The following GPAM variants were observed in gnomAD, a reference collection of about 807,000 sequenced individuals.
GPAM encodes the protein glycerol-3-phosphate acyltransferase, mitochondrial.
In GPAM, 56 loss-of-function variants were observed where a neutral mutation model predicts 105.0. The observed-to-expected ratio is 0.53, with a 90% CI of 0.43 to 0.67. GPAM has a LOEUF of 0.67. Ranked by LOEUF, GPAM falls within the 30% of genes least tolerant of loss-of-function variation. GPAM has a pLI of 0.00. For missense variants in GPAM, 855 were observed against 989.8 expected (o/e 0.86, Z 1.83); for synonymous variants, 368 against 354.4 (o/e 1.04, Z -0.43).
chr10:112,174,362 G>A (rs1847367447), intron 6 of GPAM, among the ~76,000 whole-genome samples: 1 of 152,122 alleles, frequency 6.6e-6, no homozygotes, highest in Admixed American at 6.5e-5. Context: ...ACTCAAACCA[G>A]TAATTTTTAA....
Position 112,150,698 on chromosome 10 carries a change from G to T in GPAM, c.*2852C>A. ...GTTAGACAGTTTTTCACTACCGGAT[G>T]CCAAGCCCTTACTGCGCTAAAGTGC... is the stretch of plus-strand genomic sequence containing the variant. On this transcript the variant is annotated 3_prime_UTR_variant, in exon 22 of 22. Transcript: ENST00000348367. 1 of 948,160 alleles carries T rather than the reference G, an allele frequency of 1.1e-6. No homozygotes were observed. The highest frequency in any genetic ancestry group is 1.3e-6 in the Non-Finnish European group (1 of 796,018). 58.7% of individuals were successfully genotyped at this position (948,160 alleles called of 1,614,324 possible).
chr10:112,171,306 C>T (rs543486513), intron 9 of GPAM, among the ~76,000 whole-genome samples: 4 of 152,100 alleles, frequency 2.6e-5, no homozygotes, highest in Admixed American at 6.5e-5. Context: ...TCTTTAAATT[C>T]GAGCTACTAA....
At position 112,180,414 on chromosome 10, in the gene GPAM, A is replaced by G. The variant is rs201438949; in HGVS notation, c.225+59T>C. The G allele has an allele frequency of 5.2e-4, 814 of 1,571,460 alleles. 4 individuals are homozygous for G. In the African/African-American group the frequency reaches 9.8e-3, roughly 19 times the overall value. On this transcript the variant is annotated intron_variant, in intron 4 of 21. Coordinates refer to ENST00000348367, the MANE Select transcript of GPAM (RefSeq NM_001244949.2). The stretch of plus-strand genomic sequence containing the variant: ...TTAGTCCAATAAGACTGCCTACTAC[A>G]AAGTTGGAAATAATATTTTATGCTG...
intron 1 of GPAM, among the ~76,000 whole-genome samples, chr10:112,189,278 G>A (rs1462934820): frequency 6.6e-6 from 1 of 151,988 alleles, no homozygotes. Context: ...TATTTATTCA[G>A]TATATATTTA....
Position 112,152,596 on chromosome 10 carries a change from G to A in GPAM, c.*954C>T. ...AGAAAGCCCTCATCAGCTGTGGCCA[G>A]AGAACTGTATTCTAACAGTCTGTCA... On this transcript the variant is annotated 3_prime_UTR_variant, in exon 22 of 22. Coordinates refer to ENST00000348367, the MANE Select transcript of GPAM (RefSeq NM_001244949.2). 1 of 985,422 alleles carries A rather than the reference G, an allele frequency of 1.0e-6. No individual in the cohort carries two copies. The highest frequency in any genetic ancestry group is 4.7e-5 in the South Asian group (1 of 21,286). 61.0% of individuals were successfully genotyped at this position (985,422 alleles called of 1,614,324 possible).
the GPAM span, among the ~76,000 whole-genome samples, chr10:112,223,029 A>G: frequency 6.6e-6 from 1 of 152,082 alleles, no homozygotes; most frequent in Non-Finnish European, 1.5e-5. Context: ...GCAGCTGAAT[A>G]CAATGGTGGC....
At chr10:112,169,800 C>T (rs1847282748) in intron 9 of GPAM, among the ~76,000 whole-genome samples, 1 of 152,210 alleles carries the variant, frequency 6.6e-6, no homozygotes, top group South Asian at 2.1e-4. Flanking sequence ...TCTATATTTA[C>T]AGCCATTCCC....
intron 1 of GPAM, among the ~76,000 whole-genome samples, chr10:112,199,088 A>AAT (rs1234821178): frequency 2.2e-5 from 2 of 88,948 alleles, no homozygotes; most frequent in Non-Finnish European, 4.6e-5. Flanking sequence ...ACGCCTGGCT[A>AAT]ATGTGTGTGT....
chr10:112,222,111 A>T, the GPAM span, among the ~76,000 whole-genome samples: 1 of 152,210 alleles, frequency 6.6e-6, no homozygotes, highest in Non-Finnish European at 1.5e-5. Flanking sequence ...ATGAGTTGAC[A>T]ATTGTTGAAG....
intron 1 of GPAM, among the ~76,000 whole-genome samples, chr10:112,203,093 C>A (rs1287946933): frequency 1.3e-5 from 2 of 152,048 alleles, no homozygotes; most frequent in Non-Finnish European, 2.9e-5. Context: ...GGCCTCCTCT[C>A]AGCGCTGTGG....
chr10:112,225,756 C>T, the GPAM span, among the ~76,000 whole-genome samples: 2 of 152,200 alleles, frequency 1.3e-5, no homozygotes, highest in Non-Finnish European at 2.9e-5. Flanking sequence ...CATGAATCAT[C>T]ATAAAACATT....
upstream of GPAM, among the ~76,000 whole-genome samples, chr10:112,185,571 GAC>G (rs55812271): frequency 7.2e-3 from 1,031 of 143,644 alleles, 11 homozygotes; most frequent in East Asian, 0.023. Context: ...CACACACACA[GAC>G]ACACACACAC....
At chr10:112,155,679 C>T (rs934272826) in intron 20 of GPAM, 185 bp downstream of exon 20, 1 of 513,788 alleles carries the variant, frequency 1.9e-6, no homozygotes. Context: ...TGAAAAAAGC[C>T]AGATGTAAGA....
At chr10:112,196,545 T>G (rs1345310204) in intron 1 of GPAM, among the ~76,000 whole-genome samples, 1 of 152,132 alleles carries the variant, frequency 6.6e-6, no homozygotes, top group Non-Finnish European at 1.5e-5. Flanking sequence ...AAGTAAAGAG[T>G]GTTATGAACC....
intron 1 of GPAM, among the ~76,000 whole-genome samples, chr10:112,208,663 A>G (rs1042142688): frequency 3.3e-5 from 5 of 152,168 alleles, no homozygotes; most frequent in African/African-American, 1.2e-4. Flanking sequence ...CAGCTTTTTG[A>G]ACAATGCTTC....
rs1009110008 is a variant in GPAM at position 112,151,905 on chromosome 10, G to A, written c.*1645C>T. The A allele has an allele frequency of 3.5e-5, 34 of 977,512 alleles. 1 individual carries two copies. In the African/African-American group the frequency reaches 4.9e-4, roughly 14 times the overall value. The allele number at this position is 977,512 out of a possible 1,614,324, so 60.6% of individuals were successfully genotyped here. On this transcript the variant is annotated 3_prime_UTR_variant, in exon 22 of 22. Transcript: ENST00000348367. Reference sequence around the variant, plus strand: ...ATTCAACATCAGAGCTACTACAACTGACAATGACTTCATGGTATACATCAA... The same window carrying A: ...ATTCAACATCAGAGCTACTACAACTAACAATGACTTCATGGTATACATCAA...
intron 1 of GPAM, among the ~76,000 whole-genome samples, chr10:112,207,173 G>T (rs906785919): frequency 6.6e-6 from 1 of 152,176 alleles, no homozygotes; most frequent in African/African-American, 2.4e-5. Flanking sequence ...GAAGGGAGAG[G>T]TACCACTGGC....
At position 112,151,205 on chromosome 10, in the gene GPAM, AT is replaced by A; in HGVS notation, c.*2344del. 1 of 983,622 alleles carries A rather than the reference AT, an allele frequency of 1.0e-6. No homozygotes were observed. Among genetic ancestry groups the A allele is most frequent in the Non-Finnish European group, 1.2e-6 (1 of 828,052 alleles). The allele number at this position is 983,622 out of a possible 1,614,324, so 60.9% of individuals were successfully genotyped here. On this transcript the variant is annotated 3_prime_UTR_variant, in exon 22 of 22. Transcript: ENST00000348367. ...GCGATAGAGTAAACTGTAATAAATT[AT>A]TTACAAGCACCTAGTTTGTTTAACC... is the stretch of plus-strand genomic sequence containing the variant.
intron 14 of GPAM, among the ~76,000 whole-genome samples, chr10:112,161,983 C>T (rs1481720610): frequency 1.3e-5 from 2 of 152,066 alleles, no homozygotes; most frequent in Non-Finnish European, 2.9e-5. Flanking sequence ...TCAATCCAGG[C>T]CAGTGGAATT....
Sources: allele counts gnomAD v4.1 joint callset (sites outside exome capture counted in the v4.1 genomes callset), GRCh38; gene constraint gnomAD v4.1.1; transcripts MANE v1.5; gene names NCBI Gene and HGNC (gene_info 2026-07-23, HGNC 2026-07-21).